The following ZDHHC14 variants were observed in gnomAD, a reference collection of about 807,000 sequenced individuals.
ZDHHC14 encodes palmitoyltransferase ZDHHC14.
Under a neutral mutation model 47.7 loss-of-function variants are expected in ZDHHC14, and 16 were observed. The observed-to-expected ratio is 0.34, with a 90% CI of 0.23 to 0.51. The LOEUF is 0.51. Ranked by LOEUF, ZDHHC14 falls within the 20% of genes least tolerant of loss-of-function variation. The pLI is 0.97. For missense variants in ZDHHC14, 515 were observed against 662.5 expected, an observed-to-expected ratio of 0.78 and a Z score of 2.44; for synonymous variants, 293 against 278.9, an observed-to-expected ratio of 1.05 and a Z score of -0.50.
intron 1 of ZDHHC14, among the ~76,000 whole-genome samples, chr6:157,516,484 C>G (rs1345580040): frequency 6.6e-6 from 1 of 152,172 alleles, no homozygotes; most frequent in African/African-American, 2.4e-5. Flanking sequence ...GTGGACCTGG[C>G]CAGTCTTTCC....
chr6:157,413,482 C>T (rs768012512), intron 1 of ZDHHC14, among the ~76,000 whole-genome samples: 1 of 152,014 alleles, frequency 6.6e-6, no homozygotes, highest in African/African-American at 2.4e-5. Context: ...AGGGGAATTT[C>T]TTATTTCATA....
intron 1 of ZDHHC14, among the ~76,000 whole-genome samples, chr6:157,528,219 A>G (rs961930110): frequency 2.0e-5 from 3 of 152,194 alleles, no homozygotes; most frequent in Admixed American, 6.5e-5. Flanking sequence ...ATCAGTTAAT[A>G]ATCGTGTTTG....
intron 8 of ZDHHC14, among the ~76,000 whole-genome samples, chr6:157,662,525 C>A (rs554286504): frequency 2.0e-5 from 3 of 152,266 alleles, no homozygotes; most frequent in Admixed American, 2.0e-4. Context: ...TGTGCAAATT[C>A]CCCTCACAGG....
intron 5 of ZDHHC14, among the ~76,000 whole-genome samples, chr6:157,635,333 G>A (rs1371009955): frequency 6.6e-6 from 1 of 152,152 alleles, no homozygotes; most frequent in East Asian, 1.9e-4. Context: ...GACCTCCCAA[G>A]TCATGCATCT....
chr6:157,403,835 G>A (rs1777692525), intron 1 of ZDHHC14, among the ~76,000 whole-genome samples: 1 of 152,236 alleles, frequency 6.6e-6, no homozygotes, highest in African/African-American at 2.4e-5. Context: ...TCCAGAAGTG[G>A]CAAGCCTCAT....
At chr6:157,661,071 G>C (rs1463938494) in intron 8 of ZDHHC14, among the ~76,000 whole-genome samples, 1 of 152,078 alleles carries the variant, frequency 6.6e-6, no homozygotes, top group East Asian at 1.9e-4. Context: ...GATGTTTCAA[G>C]CCAACAAAGC....
At chr6:157,654,286 T>C (rs1048936797) in intron 8 of ZDHHC14, among the ~76,000 whole-genome samples, 7 of 151,980 alleles carry the variant, frequency 4.6e-5, no homozygotes, top group Non-Finnish European at 7.4e-5. Context: ...GAGTCGCTCA[T>C]GGACACCAGG....
intron 8 of ZDHHC14, among the ~76,000 whole-genome samples, chr6:157,666,234 T>C (rs1018523454): frequency 1.3e-5 from 2 of 152,208 alleles, no homozygotes; most frequent in African/African-American, 4.8e-5. Flanking sequence ...GCAAAGATAG[T>C]AACATGGTAC....
chr6:157,467,853 G>A (rs1779257744), intron 1 of ZDHHC14, among the ~76,000 whole-genome samples: 1 of 151,988 alleles, frequency 6.6e-6, no homozygotes, highest in Non-Finnish European at 1.5e-5. Flanking sequence ...CATTATGGCG[G>A]TATAATATTC....
intron 7 of ZDHHC14, 78 bp downstream of exon 7, chr6:157,647,446 C>T (rs963659614): frequency 1.0e-4 from 120 of 1,192,496 alleles, no homozygotes; most frequent in Admixed American, 3.5e-4. Flanking sequence ...AGGCCGCCCG[C>T]CCTGGTGGAA....
chr6:157,415,338 A>T (rs939201911), intron 1 of ZDHHC14, among the ~76,000 whole-genome samples: 1 of 152,196 alleles, frequency 6.6e-6, no homozygotes, highest in Non-Finnish European at 1.5e-5. Context: ...AGGTATTTAA[A>T]AAAAAATCAC....
Position 157,675,449 on chromosome 6 carries a change from C to A in ZDHHC14, c.*2327C>A, listed in dbSNP as rs1344414740. The A allele has an allele frequency of 6.6e-6, 1 of 152,216 alleles. No homozygotes were observed. The highest frequency in any genetic ancestry group is 1.5e-5 in the Non-Finnish European group (1 of 68,048). The allele number at this position is 152,216 out of a possible 1,614,324, so 9.4% of individuals were successfully genotyped here. ...CCTGTCCCTGGCACACACTTGGCAT[C>A]ATTTATCCAATAGGGGACTGGGAAT... On this transcript the variant is annotated 3_prime_UTR_variant, in exon 9 of 9. Coordinates refer to ENST00000359775, the MANE Select transcript of ZDHHC14 (RefSeq NM_024630.3).
In ZDHHC14 at chr6:157,673,063, A is replaced by T; in HGVS notation, c.1408A>T (p.Ser470Cys). 1 of 1,570,350 alleles carries T rather than the reference A, an allele frequency of 6.4e-7. No individual in the cohort carries two copies. Among genetic ancestry groups the T allele is most frequent in the Non-Finnish European group, 8.6e-7 (1 of 1,165,898 alleles). ...CACCATGCACGTGCTGGGCCTGGCC[A>T]GCCAGGACTCCCTGCATGAGGACTC... is the stretch of plus-strand genomic sequence containing the variant. ...SRTMHVLGLA[S>C]QDSLHEDSVR... The change falls in exon 9 of 9, where the codon AGC becomes TGC. Residue 470 changes from serine to cysteine, a missense_variant. By Grantham distance (112) the Ser-to-Cys change is moderately radical. This residue lies in a region of ZDHHC14 where 221 missense variants were observed against 233.6 expected (regional missense o/e 0.95). Coordinates refer to ENST00000359775, the MANE Select transcript of ZDHHC14 (RefSeq NM_024630.3). This position sits in a 1 kb window ranked among gnomAD's most constrained non-coding sequence, Gnocchi z 5.4.
chr6:157,600,474 C>T (rs1013191757), intron 3 of ZDHHC14, among the ~76,000 whole-genome samples: 5 of 152,172 alleles, frequency 3.3e-5, no homozygotes, highest in African/African-American at 1.2e-4. Context: ...GGCTGGAGTG[C>T]AGCTCACTGC....
intron 2 of ZDHHC14, among the ~76,000 whole-genome samples, chr6:157,563,890 T>A (rs1782805274): frequency 6.6e-6 from 1 of 152,216 alleles, no homozygotes; most frequent in Admixed American, 6.5e-5. Context: ...GGTGGGCTCA[T>A]AGGCTTCAGG....
rs1435224921 is a variant in ZDHHC14 at position 157,636,555 on chromosome 6, T to TTC, written c.752+3673_752+3674insTC. 2.6e-5 allele frequency among the ~76,000 whole-genome samples: 4 copies of TTC among 152,142 alleles called. No individual in the cohort carries two copies. In the East Asian group the frequency reaches 7.7e-4, roughly 29 times the overall value. Reference sequence around the variant, plus strand: ...GCTTGGTCTTGTGGCACCTACATTATGGACCCGAGGTCCTGCTGGGCTCCT... The same window carrying TTC: ...GCTTGGTCTTGTGGCACCTACATTATTCGGACCCGAGGTCCTGCTGGGCTCCT... On this transcript the variant is annotated intron_variant, in intron 5 of 8. Coordinates refer to ENST00000359775, the MANE Select transcript of ZDHHC14 (RefSeq NM_024630.3).
intron 3 of ZDHHC14, among the ~76,000 whole-genome samples, chr6:157,622,216 C>CAAAAAAAAAAAAAAAAAAAA (rs35681787): frequency 1.1e-5 from 1 of 93,892 alleles, no homozygotes; most frequent in Non-Finnish European, 2.2e-5. Context: ...ACTAAAAATA[C>CAAAAAAAAAAAAAAAAAAAA]AAAAAAAAAA....
chr6:157,619,425 T>C (rs1388934992), intron 3 of ZDHHC14, among the ~76,000 whole-genome samples: 2 of 152,034 alleles, frequency 1.3e-5, no homozygotes, highest in East Asian at 3.9e-4. Flanking sequence ...TAAACAAACT[T>C]GGAAAACAAG....
chr6:157,628,242 G>A, intron 3 of ZDHHC14, 107 bp from the exon 4 acceptor site: 1 of 1,097,822 alleles, frequency 9.1e-7, no homozygotes, highest in Non-Finnish European at 1.3e-6. Context: ...TAATATCATT[G>A]TGTTATACTA....
Sources: gnomAD v4.1 joint callset for allele counts (sites outside exome capture counted in the v4.1 genomes callset) on GRCh38, gnomAD v4.1.1 for gene constraint, gnomAD v4.1.1 regional missense constraint, Gnocchi (gnomAD v3.1) non-coding constraint, MANE v1.5 for transcripts, NCBI Gene and HGNC (gene_info 2026-07-23, HGNC 2026-07-21) for gene names.